The following ECT2L variants were observed in gnomAD, a reference collection of about 807,000 sequenced individuals.
ECT2L encodes the protein epithelial cell-transforming sequence 2 oncogene-like.
A neutral mutation model predicts 122.8 loss-of-function variants in ECT2L; 126 were observed. The observed-to-expected ratio is 1.03, with a 90% CI of 0.89 to 1.19. ECT2L has a LOEUF of 1.19. Ranked by LOEUF, ECT2L falls within the 50% of genes most tolerant of loss-of-function variation. The pLI, the probability that ECT2L is intolerant of heterozygous loss-of-function variation, is 0.00. For synonymous variants in ECT2L, 385 were observed against 381.8 expected (o/e 1.01, Z -0.10); for missense variants, 1,012 against 1,064.1 (o/e 0.95, Z 0.68).
intron 14 of ECT2L, among the ~76,000 whole-genome samples, chr6:138,878,310 C>T (rs201315125): frequency 0.39 from 57,261 of 146,586 alleles, 11,034 homozygotes; most frequent in Admixed American, 0.45. Flanking sequence ...TATATATACA[C>T]ACACACACAC....
chr6:138,864,386 C>G (rs1356687408), intron 11 of ECT2L, among the ~76,000 whole-genome samples: 2 of 152,202 alleles, frequency 1.3e-5, no homozygotes, highest in Non-Finnish European at 2.9e-5. Context: ...GGAAACAAAG[C>G]AAATACACTA....
chr6:138,832,756 T>C (rs1024835937), intron 4 of ECT2L, among the ~76,000 whole-genome samples: 1 of 152,128 alleles, frequency 6.6e-6, no homozygotes, highest in Non-Finnish European at 1.5e-5. Flanking sequence ...TTGTTGTTTT[T>C]TTTTTAATTT....
Position 138,843,337 on chromosome 6 carries a change from A to G in ECT2L, c.595+106A>G. The G allele has an allele frequency of 2.6e-6, 3 of 1,158,332 alleles. No homozygotes were observed. The South Asian group carries it at 6.3e-5, about 24-fold the overall frequency. 71.8% of individuals were successfully genotyped at this position (1,158,332 alleles called of 1,614,324 possible). ...CAGCCCTGTCTTTCGGAATACTCTGAGTGGCAGTCTTAAGTATTTTCCAGA... is the reference window on the plus strand; with the variant it reads ...CAGCCCTGTCTTTCGGAATACTCTGGGTGGCAGTCTTAAGTATTTTCCAGA... On this transcript the variant is annotated intron_variant, in intron 6 of 21. Transcript: ENST00000541398.
Position 138,849,409 on chromosome 6 carries a change from C to G in ECT2L, c.1044C>G (p.Asp348Glu). ...GCATCGGAATATTTAGCGATGGAGA[C>G]AGCAGAGAAATCAATTTACTCCAAG... Reference protein sequence around the residue: ...AQSIGIFSDGDSREINLLQGY... With the variant: ...AQSIGIFSDGESREINLLQGY... The change falls in exon 9 of 22, where the codon GAC (aspartate) becomes GAG (glutamate). Residue 348 changes from aspartate (D) to glutamate (E), a missense_variant. Transcript: ENST00000541398. 1 of 1,613,554 alleles carries G rather than the reference C, an allele frequency of 6.2e-7. No homozygotes were observed. The highest frequency in any genetic ancestry group is 2.2e-5 in the East Asian group (1 of 44,846).
At chr6:138,803,328 A>G (rs1164321194) in intron 1 of ECT2L, among the ~76,000 whole-genome samples, 1 of 151,888 alleles carries the variant, frequency 6.6e-6, no homozygotes, top group Non-Finnish European at 1.5e-5. Flanking sequence ...ACACACACAC[A>G]CACACACACA....
chr6:138,828,019 G>A (rs1185886213), intron 4 of ECT2L, among the ~76,000 whole-genome samples: 1 of 151,958 alleles, frequency 6.6e-6, no homozygotes, highest in Non-Finnish European at 1.5e-5. Flanking sequence ...CGCCATGTTG[G>A]TGTGCTGCAC....
intron 16 of ECT2L, among the ~76,000 whole-genome samples, chr6:138,883,537 C>T (rs985813670): frequency 7.2e-5 from 11 of 152,172 alleles, no homozygotes; most frequent in Admixed American, 2.0e-4. Flanking sequence ...TCCACTGTGA[C>T]CACTCGTCTT....
chr6:138,816,155 C>G (rs1487409630), intron 4 of ECT2L, among the ~76,000 whole-genome samples: 1 of 152,190 alleles, frequency 6.6e-6, no homozygotes, highest in East Asian at 1.9e-4. Context: ...AAATAACAGA[C>G]CAGACCTCAC....
chr6:138,844,652 G>T (rs990355359), intron 7 of ECT2L, 72 bp downstream of exon 7: 3 of 1,405,956 alleles, frequency 2.1e-6, no homozygotes, highest in Non-Finnish European at 2.0e-6. Context: ...AATAAATTTA[G>T]CTATCACGCA....
chr6:138,876,479 A>G lies in ECT2L; in HGVS notation c.1586A>G (p.Asn529Ser), dbSNP rs1562487326. ...MELSKEDSER[N>S]VVEDNSWDTK... The stretch of plus-strand genomic sequence containing the variant: ...TTTCCATTCAATCTTCAGGAAAGAA[A>G]TGTTGTAGAAGACAATTCTTGGGAC... Residue 529 changes from asparagine to serine, a missense_variant, in exon 14 of 22, where the codon AAT becomes AGT. Asn to Ser is a conservative substitution (Grantham distance 46). Transcript: ENST00000541398. The G allele has an allele frequency of 3.7e-6, 6 of 1,609,800 alleles. No individual in the cohort carries two copies. The highest frequency in any genetic ancestry group is 5.1e-6 in the Non-Finnish European group (6 of 1,177,064).
intron 4 of ECT2L, among the ~76,000 whole-genome samples, chr6:138,829,314 C>T (rs75586495): frequency 0.019 from 2,889 of 152,242 alleles, 37 homozygotes; most frequent in Non-Finnish European, 0.028. Flanking sequence ...ATAGAGCACT[C>T]TTATAAGTAT....
At position 138,902,588 on chromosome 6, in the gene ECT2L, A is replaced by G. The variant is rs1167015770; in HGVS notation, c.2676A>G (p.Ser892=). 1.9e-6 allele frequency: 3 copies of G among 1,613,976 alleles called. No individual in the cohort carries two copies. The highest frequency in any genetic ancestry group is 1.3e-5 in the African/African-American group (1 of 75,052). ...EIEDDKFLWL[S]VLRNAIKSSM... ...AGGATGATAAGTTCCTATGGCTGTC[A>G]GTACTTCGAAATGCAATCAAAAGCA... is the stretch of plus-strand genomic sequence containing the variant. The change falls in exon 22 of 22, where the codon TCA becomes TCG. Residue 892 remains serine, a synonymous_variant. Coordinates refer to ENST00000541398, the MANE Select transcript of ECT2L (RefSeq NM_001077706.3).
At chr6:138,882,551 C>T (rs1178632129) in intron 15 of ECT2L, among the ~76,000 whole-genome samples, 173 bp from the exon 16 acceptor site, 1 of 152,188 alleles carries the variant, frequency 6.6e-6, no homozygotes, top group East Asian at 1.9e-4. Context: ...CCTTCACGTC[C>T]CAGTTCCCTT....
intron 20 of ECT2L, among the ~76,000 whole-genome samples, chr6:138,900,178 C>T (rs941511895): frequency 6.6e-6 from 1 of 152,076 alleles, no homozygotes; most frequent in Non-Finnish European, 1.5e-5. Context: ...TAGTTAAATG[C>T]TTTTTTCTCC....
At position 138,833,658 on chromosome 6, in the gene ECT2L, C is replaced by T. The variant is rs151167982; in HGVS notation, c.180-4694C>T. 1.6e-4 allele frequency among the ~76,000 whole-genome samples: 24 copies of T among 152,050 alleles called. 1 individual carries two copies. Among genetic ancestry groups the T allele is most frequent in the African/African-American group, 5.8e-4 (24 of 41,454 alleles). On this transcript the variant is annotated intron_variant, in intron 4 of 21. Coordinates refer to ENST00000541398, the MANE Select transcript of ECT2L (RefSeq NM_001077706.3). ...TCTTCACTAAAATACAAAAATTAGCCGGGCTTGGTGGCATGCACCTGTAAT... is the reference window on the plus strand; with the variant it reads ...TCTTCACTAAAATACAAAAATTAGCTGGGCTTGGTGGCATGCACCTGTAAT...
intron 4 of ECT2L, among the ~76,000 whole-genome samples, chr6:138,825,557 T>C (rs1776417488): frequency 6.6e-6 from 1 of 151,964 alleles, no homozygotes; most frequent in South Asian, 2.1e-4. Context: ...CACTCCAGCC[T>C]GGGCGACAGA....
At chr6:138,848,146 C>T (rs1463444815) in intron 8 of ECT2L, among the ~76,000 whole-genome samples, 3 of 152,190 alleles carry the variant, frequency 2.0e-5, no homozygotes, top group African/African-American at 7.2e-5. Flanking sequence ...AGGTCCCTCC[C>T]TCGACACACA....
At chr6:138,882,962 G>C (rs1012370962) in intron 16 of ECT2L, 91 bp downstream of exon 16, 6 of 1,363,588 alleles carry the variant, frequency 4.4e-6, no homozygotes, top group Non-Finnish European at 5.0e-6. Flanking sequence ...AATAAGAAAG[G>C]CTTCTCTGCT....
Position 138,846,542 on chromosome 6 carries a change from C to T in ECT2L, c.768C>T (p.Ser256=), listed in dbSNP as rs754506190. ...CATATTTCCTTTTACTCCATAGAAG[C>T]AATATTTCTGGAAGCCATTCCTACC... is the stretch of plus-strand genomic sequence containing the variant. ...LTSLETLPKR[S]NISGSHSYPL... The change falls in exon 8 of 22, where the codon AGC becomes AGT. Residue 256 remains serine, a synonymous_variant. Transcript: ENST00000541398. The T allele has an allele frequency of 6.3e-7, 1 of 1,579,794 alleles. No homozygotes were observed. The highest frequency in any genetic ancestry group is 1.4e-5 in the African/African-American group (1 of 72,874).
Sources: allele counts gnomAD v4.1 joint callset (sites outside exome capture counted in the v4.1 genomes callset), GRCh38; gene constraint gnomAD v4.1.1; transcripts MANE v1.5; gene names NCBI Gene and HGNC (gene_info 2026-07-23, HGNC 2026-07-21).